Variants in SAMD12 observed in about 807,000 individuals in gnomAD.
The protein encoded by SAMD12 is sterile alpha motif domain-containing protein 12.
A neutral mutation model predicts 15.0 loss-of-function variants in SAMD12; 9 were observed. The ratio of observed to expected loss-of-function variants is 0.60; its 90% confidence interval spans 0.36 to 1.05. The LOEUF is 1.05. Among genes scored for constraint, SAMD12 ranks in the 50% least tolerant of loss-of-function variants. SAMD12 has a pLI of 0.01. For synonymous variants in SAMD12, 86 were observed against 90.1 expected (o/e 0.96, Z 0.25); for missense variants, 230 against 234.2 (o/e 0.98, Z 0.12).
At chr8:118,399,201 C>T (rs200338769) in intron 3 of SAMD12, among the ~76,000 whole-genome samples, 3,419 of 147,470 alleles carry the variant, frequency 0.023, 106 homozygotes, top group African/African-American at 0.07. Flanking sequence ...TTTTTTTTTT[C>T]TTTTTTTTTT....
Position 118,440,685 on chromosome 8 carries a change from CACACACACACAA to C in SAMD12, c.193-736_193-725del, listed in dbSNP as rs1466842162. Among the ~76,000 whole-genome samples, 270 of 148,292 alleles carry C rather than the reference CACACACACACAA, an allele frequency of 1.8e-3. 1 individual carries two copies. The highest frequency in any genetic ancestry group is 0.014 in the Middle Eastern group (4 of 286). ...ACACACACACACACACACACACACA[CACACACACACAA>C]ACACACACACACACACACATATAAA... On this transcript the variant is annotated intron_variant, in intron 2 of 3. Transcript: ENST00000314727.
At chr8:118,198,758 T>C (rs889180318) in intron 4 of SAMD12, among the ~76,000 whole-genome samples, 9 of 152,214 alleles carry the variant, frequency 5.9e-5, no homozygotes, top group East Asian at 1.9e-4. Flanking sequence ...ATAGGTTGTA[T>C]TGAAAGCAGA....
chr8:118,284,482 C>G (rs1476398887), intron 4 of SAMD12: 5 of 399,458 alleles, frequency 1.3e-5, no homozygotes, highest in African/African-American at 1.0e-4. Flanking sequence ...CACAAAGAAT[C>G]TGAAATAGTC....
At chr8:118,204,432 C>T (rs192750702) in intron 4 of SAMD12, among the ~76,000 whole-genome samples, 85 of 152,140 alleles carry the variant, frequency 5.6e-4, no homozygotes, top group Non-Finnish European at 1.8e-4. Flanking sequence ...AAGGAATCAA[C>T]CCTCTGACCG....
chr8:118,283,162 G>T (rs1354995416), intron 4 of SAMD12, among the ~76,000 whole-genome samples: 1 of 151,822 alleles, frequency 6.6e-6, no homozygotes, highest in Non-Finnish European at 1.5e-5. Flanking sequence ...TAAGTTTTAG[G>T]GTACATGTGC....
intron 2 of SAMD12, among the ~76,000 whole-genome samples, chr8:118,569,454 GT>G (rs1374850884): frequency 3.3e-5 from 5 of 152,082 alleles, no homozygotes; most frequent in African/African-American, 1.2e-4. Flanking sequence ...AACATGTCTG[GT>G]CCCAGGCATT....
intron 2 of SAMD12, among the ~76,000 whole-genome samples, chr8:118,440,699 C>CACACACACACAA (rs1822727770): frequency 2.3e-5 from 3 of 130,990 alleles, no homozygotes; most frequent in Non-Finnish European, 4.9e-5. Flanking sequence ...CACACACAAA[C>CACACACACACAA]ACACACACAC....
intron 4 of SAMD12, among the ~76,000 whole-genome samples, chr8:118,217,776 G>C (rs1811997838): frequency 6.6e-6 from 1 of 152,132 alleles, no homozygotes; most frequent in Non-Finnish European, 1.5e-5. Context: ...TATGTCCAAG[G>C]CTCTCCATAA....
chr8:118,295,499 T>C (rs1162748899), intron 4 of SAMD12, among the ~76,000 whole-genome samples: 1 of 152,172 alleles, frequency 6.6e-6, no homozygotes, highest in Non-Finnish European at 1.5e-5. Flanking sequence ...ATTCTACATA[T>C]GAAAGTATCA....
In SAMD12 at chr8:118,379,270, T is replaced by A. The variant is rs1819541277; in HGVS notation, c.*147A>T. 4 of 1,438,528 alleles carry A rather than the reference T, an allele frequency of 2.8e-6. No individual in the cohort carries two copies. The highest frequency in any genetic ancestry group is 2.7e-6 in the Non-Finnish European group (3 of 1,099,644). The allele number at this position is 1,438,528 out of a possible 1,614,324, so 89.1% of individuals were successfully genotyped here. A position where few individuals can be genotyped will look rare whatever the true frequency, so the allele number is the denominator to read the frequency against. On this transcript the variant is annotated 3_prime_UTR_variant, in exon 4 of 4. Coordinates refer to ENST00000314727, the MANE Select transcript of SAMD12 (RefSeq NM_207506.3). ...GTACCCTGATTGATGTGACTGGTATTCTCTGGGGTTGTGCAGTACACAATC... is the reference window on the plus strand; with the variant it reads ...GTACCCTGATTGATGTGACTGGTATACTCTGGGGTTGTGCAGTACACAATC...
intron 3 of SAMD12, among the ~76,000 whole-genome samples, chr8:118,414,428 A>G (rs1821582977): frequency 6.6e-6 from 1 of 152,184 alleles, no homozygotes; most frequent in African/African-American, 2.4e-5. Context: ...ATCTTTTAAC[A>G]TCTGTTGAGA....
chr8:118,472,115 G>C (rs1460044558), intron 2 of SAMD12, among the ~76,000 whole-genome samples: 1 of 151,854 alleles, frequency 6.6e-6, no homozygotes, highest in Non-Finnish European at 1.5e-5. Flanking sequence ...GTGAAACCCT[G>C]TCTCCACTAA....
chr8:118,159,047 A>C, the SAMD12 span, among the ~76,000 whole-genome samples: 1 of 152,046 alleles, frequency 6.6e-6, no homozygotes, highest in Non-Finnish European at 1.5e-5. Flanking sequence ...TAACACAAAC[A>C]GGTCTGAAAC....
chr8:118,504,452 A>C (rs747855589), intron 2 of SAMD12, among the ~76,000 whole-genome samples: 13 of 152,154 alleles, frequency 8.5e-5, no homozygotes, highest in African/African-American at 1.4e-4. Context: ...TGTGTCTTTG[A>C]CTTGCTATTT....
intron 4 of SAMD12, among the ~76,000 whole-genome samples, chr8:118,277,170 G>A (rs1813494672): frequency 6.6e-6 from 1 of 152,044 alleles, no homozygotes; most frequent in African/African-American, 2.4e-5. Context: ...TTTTGTGAAG[G>A]ACAGCTGATT....
chr8:118,369,902 A>G (rs1290264082), intron 4 of SAMD12, among the ~76,000 whole-genome samples: 1 of 152,188 alleles, frequency 6.6e-6, no homozygotes, highest in African/African-American at 2.4e-5. Flanking sequence ...AGTTGCAGCG[A>G]AAGTAAAAAC....
At chr8:118,162,445 T>C in the SAMD12 span, among the ~76,000 whole-genome samples, 4 of 151,510 alleles carry the variant, frequency 2.6e-5, no homozygotes, top group African/African-American at 7.3e-5. Flanking sequence ...GATTTCAACT[T>C]TGAGTGACTG....
chr8:118,161,810 A>G, the SAMD12 span, among the ~76,000 whole-genome samples: 1 of 152,026 alleles, frequency 6.6e-6, no homozygotes, highest in Non-Finnish European at 1.5e-5. Flanking sequence ...ATATAAACAC[A>G]GGAATGGATC....
At chr8:118,457,112 C>T (rs561061839) in intron 2 of SAMD12, among the ~76,000 whole-genome samples, 1 of 152,164 alleles carries the variant, frequency 6.6e-6, no homozygotes, top group South Asian at 2.1e-4. Context: ...ATACTACTGA[C>T]AATTAATGAT....
Sources: allele counts gnomAD v4.1 joint callset (sites outside exome capture counted in the v4.1 genomes callset), GRCh38; gene constraint gnomAD v4.1.1; transcripts MANE v1.5; gene names NCBI Gene and HGNC (gene_info 2026-07-23, HGNC 2026-07-21).